Variants in PTK2 observed in about 807,000 individuals in gnomAD.
PTK2 encodes the protein focal adhesion kinase 1.
In PTK2, 45 loss-of-function variants were observed where a neutral mutation model predicts 150.1. The ratio of observed to expected loss-of-function variants is 0.30; its 90% CI spans 0.24 to 0.38. PTK2 has a LOEUF of 0.38. Ranked by LOEUF, PTK2 falls within the 10% of genes least tolerant of loss-of-function variation. The pLI, the probability that PTK2 is intolerant of heterozygous loss-of-function variation, is 1.00. For missense variants in PTK2, 919 were observed against 1,307.3 expected (o/e 0.70, Z 4.58); for synonymous variants, 432 against 449.2 (o/e 0.96, Z 0.48).
chr8:140,886,739 A>C (rs560464193), intron 3 of PTK2, among the ~76,000 whole-genome samples: 1 of 152,326 alleles, frequency 6.6e-6, no homozygotes, highest in African/African-American at 2.4e-5. Context: ...TTTATCTGAT[A>C]TAGACTTCTA....
intron 12 of PTK2, chr8:140,799,109 T>TG (rs2100093457): frequency 2.0e-5 from 3 of 152,258 alleles, no homozygotes; most frequent in Admixed American, 2.0e-4. Flanking sequence ...CGAAGGCTCA[T>TG]GGCTTCAGCT....
chr8:140,699,465 CCT>C (rs767316403), intron 26 of PTK2, among the ~76,000 whole-genome samples: 22 of 152,168 alleles, frequency 1.4e-4, no homozygotes, highest in Non-Finnish European at 2.5e-4. Flanking sequence ...CCCACCACTT[CCT>C]CTCTGTCCCC....
chr8:140,689,807 T>C (rs888208160), intron 26 of PTK2, among the ~76,000 whole-genome samples: 2 of 152,210 alleles, frequency 1.3e-5, no homozygotes, highest in Admixed American at 6.5e-5. Flanking sequence ...TCTGAAACTA[T>C]CCTTTCCTCT....
At chr8:140,926,086 C>G (rs1264068190) in intron 1 of PTK2, among the ~76,000 whole-genome samples, 1 of 152,134 alleles carries the variant, frequency 6.6e-6, no homozygotes, top group East Asian at 1.9e-4. Context: ...TTCACAATAT[C>G]GCAGAACTTC....
chr8:140,891,760 C>A (rs180886648), intron 2 of PTK2, among the ~76,000 whole-genome samples: 24 of 152,288 alleles, frequency 1.6e-4, no homozygotes, highest in Non-Finnish European at 3.2e-4. Flanking sequence ...TGAGAAGGAG[C>A]CTCTCAAAAC....
At chr8:140,969,575 C>T (rs2100186517) in intron 1 of PTK2, among the ~76,000 whole-genome samples, 1 of 151,410 alleles carries the variant, frequency 6.6e-6, no homozygotes, top group Admixed American at 6.6e-5. Flanking sequence ...TTCCAGGACA[C>T]CATCTTCTCC....
At chr8:140,983,652 G>A (rs1328389215) in intron 1 of PTK2, among the ~76,000 whole-genome samples, 2 of 150,830 alleles carry the variant, frequency 1.3e-5, no homozygotes. Context: ...CCTAGAGAGA[G>A]GGAAGTGAAG....
rs149682018 is a variant in PTK2 at position 140,837,035 on chromosome 8, G to A, written c.594-6509C>T. Among the ~76,000 whole-genome samples, 3 of 152,214 alleles carry A rather than the reference G, an allele frequency of 2.0e-5. No individual in the cohort carries two copies. The East Asian group carries it at 5.8e-4, about 29-fold the overall frequency. ...GAAATCCTAATTTTAACACTGTATT[G>A]GTTTGTCAATATCAGCAATGTACTT... On this transcript the variant is annotated intron_variant, in intron 7 of 31. Transcript: ENST00000522684.
chr8:140,914,282 TA>T (rs200796635), intron 2 of PTK2, among the ~76,000 whole-genome samples: 267 of 152,006 alleles, frequency 1.8e-3, no homozygotes, highest in Non-Finnish European at 3.1e-3. Flanking sequence ...TGAAAACTGT[TA>T]AAAAAAATAC....
At chr8:140,820,171 C>T (rs2100107579) in intron 8 of PTK2, among the ~76,000 whole-genome samples, 1 of 141,054 alleles carries the variant, frequency 7.1e-6, no homozygotes, top group African/African-American at 2.6e-5. Context: ...GCAACCTCGG[C>T]TCACTGCAAC....
At chr8:140,936,835 A>G (rs2100173805) in intron 1 of PTK2, among the ~76,000 whole-genome samples, 1 of 151,894 alleles carries the variant, frequency 6.6e-6, no homozygotes, top group Non-Finnish European at 1.5e-5. Context: ...CATCAGTCCA[A>G]TAGGACAAAG....
chr8:140,729,955 T>C (rs2100048213), intron 22 of PTK2, among the ~76,000 whole-genome samples: 2 of 152,216 alleles, frequency 1.3e-5, no homozygotes, highest in East Asian at 1.9e-4. Flanking sequence ...AGGATTAAGA[T>C]GAAATAGTGT....
chr8:140,989,125 T>C (rs6578150), intron 1 of PTK2, among the ~76,000 whole-genome samples: 134,342 of 150,044 alleles, frequency 0.9, 61,660 homozygotes, highest in Non-Finnish European at 1. Context: ...CACTTGTAAT[T>C]CCAACACTTT....
At chr8:140,687,550 TA>T (rs1431341865) in intron 26 of PTK2, among the ~76,000 whole-genome samples, 1 of 152,214 alleles carries the variant, frequency 6.6e-6, no homozygotes, top group African/African-American at 2.4e-5. Flanking sequence ...TTCGTCTGTG[TA>T]TCTCCTATTT....
exon 32 of PTK2, chr8:140,658,604 G>A (rs1005506777): frequency 4.9e-6 from 1 of 202,982 alleles, no homozygotes; most frequent in Non-Finnish European, 1.0e-5. Context: ...ATACAAGGAA[G>A]GGTTAGTTAA....
rs1470026597 is a variant in PTK2, at chr8:140,679,032, T to G, written c.2563-3533A>C. Among the ~76,000 whole-genome samples the G allele has an allele frequency of 1.6e-3, 118 of 75,802 alleles. 2 individuals carry two copies. The highest frequency in any genetic ancestry group is 4.6e-3 in the African/African-American group (109 of 23,836). 49.7% of individuals were successfully genotyped at this position (75,802 alleles called of 152,430 possible). On this transcript the variant is annotated intron_variant, in intron 27 of 31. Coordinates refer to ENST00000522684, the Ensembl canonical transcript of PTK2. ...TTTTTTTTTTTTTTTTTTTTTTTTTTTTTTTTTTTTGAGACGGACTCTTGC... is the reference window on the plus strand; with the variant it reads ...TTTTTTTTTTTTTTTTTTTTTTTTTGTTTTTTTTTTGAGACGGACTCTTGC...
At chr8:140,987,189 A>T (rs958706642) in intron 1 of PTK2, among the ~76,000 whole-genome samples, 7 of 152,278 alleles carry the variant, frequency 4.6e-5, no homozygotes, top group South Asian at 2.1e-4. Context: ...ACCTTTTTTT[A>T]AAATTTTCTA....
intron 2 of PTK2, among the ~76,000 whole-genome samples, chr8:140,907,476 G>A (rs187584860): frequency 5.0e-4 from 76 of 152,210 alleles, no homozygotes; most frequent in Non-Finnish European, 5.9e-5. Context: ...TACTCAACTT[G>A]TACCTTCTTC....
chr8:140,744,339 T>C (rs1032246495), intron 19 of PTK2, among the ~76,000 whole-genome samples: 7 of 152,136 alleles, frequency 4.6e-5, no homozygotes, highest in Admixed American at 2.6e-4. Context: ...AGGTTCTCTA[T>C]AGTGTTTGTG....
Sources: allele counts gnomAD v4.1 joint callset (sites outside exome capture counted in the v4.1 genomes callset), GRCh38; gene constraint gnomAD v4.1.1; transcripts MANE v1.5; gene names NCBI Gene and HGNC (gene_info 2026-07-23, HGNC 2026-07-21).